Variants in CARD9 observed in about 807,000 individuals in gnomAD.
CARD9 encodes caspase recruitment domain-containing protein 9.
In CARD9, 53 loss-of-function variants were observed where a neutral mutation model predicts 66.0. The ratio of observed to expected loss-of-function variants is 0.80; its 90% CI spans 0.64 to 1.01. The LOEUF (loss-of-function observed/expected upper bound fraction) is 1.01, where lower values mean the gene tolerates loss of function less well. CARD9 is among the 50% of genes least tolerant of loss of function. CARD9 has a pLI of 0.00. For missense variants in CARD9, 769 were observed against 743.2 expected (o/e 1.03, Z -0.40); for synonymous variants, 387 against 313.8 (o/e 1.23, Z -2.47).
chr9:136,365,478 G>T (rs1833101889), intron 10 of CARD9: 1 of 559,668 alleles, frequency 1.8e-6, no homozygotes, highest in African/African-American at 1.9e-5. Context: ...CCCCCGAGCT[G>T]GCTGCCTGCC....
At chr9:136,367,981 G>A (rs1364965059) in intron 7 of CARD9, 153 bp from the exon 8 acceptor site, 10 of 1,428,888 alleles carry the variant, frequency 7.0e-6, no homozygotes, top group East Asian at 5.2e-5. Flanking sequence ...TGTGCTCTGC[G>A]GACACGAAGT....
At chr9:136,367,159 C>G in intron 9 of CARD9, 57 bp downstream of exon 9, 1 of 1,572,736 alleles carries the variant, frequency 6.4e-7, no homozygotes, top group Non-Finnish European at 8.7e-7. Context: ...GGTGGCAGCT[C>G]AGCCAGGACC....
chr9:136,364,987 C>T (rs953092911), intron 11 of CARD9, 154 bp downstream of exon 11: 4 of 696,058 alleles, frequency 5.7e-6, no homozygotes, highest in African/African-American at 3.6e-5. Context: ...GCCCAGACAC[C>T]GCACCCCGAG....
intron 2 of CARD9, 31 bp from the exon 3 acceptor site, chr9:136,371,492 G>C (rs1332274669): frequency 3.2e-6 from 5 of 1,558,328 alleles, no homozygotes; most frequent in Non-Finnish European, 4.3e-6. Flanking sequence ...ACTGGGGGCG[G>C]GGCACAGGCG....
chr9:136,365,307 G>A, intron 10 of CARD9, 90 bp from the exon 11 acceptor site: 3 of 1,278,766 alleles, frequency 2.3e-6, no homozygotes, highest in Middle Eastern at 2.1e-4. Flanking sequence ...ATTGCAGTGG[G>A]GCTGTCTTCC....
At chr9:136,367,493 C>A in intron 8 of CARD9, 144 bp downstream of exon 8, 6 of 1,080,430 alleles carry the variant, frequency 5.6e-6, no homozygotes, top group Non-Finnish European at 7.9e-6. Context: ...TGTGCCCTCA[C>A]CCCACTGCCA....
At chr9:136,366,938 G>A (rs1833138299) in intron 9 of CARD9, 93 bp from the exon 10 acceptor site, 9 of 1,445,370 alleles carry the variant, frequency 6.2e-6, no homozygotes, top group African/African-American at 2.8e-5. Context: ...CCTCAGCTGG[G>A]TGCAGCCATT....
rs370710250 is a variant in CARD9, at chr9:136,365,135, C to T, written c.1434+6G>A. 1.2e-6 allele frequency: 2 copies of T among 1,611,992 alleles called. No individual in the cohort carries two copies. Among genetic ancestry groups the T allele is most frequent in the Non-Finnish European group, 8.5e-7 (1 of 1,179,768 alleles). ...CTGGGAGGACCCCACCCCGGGGAAGCCTTACATGGGGGTTCCGCAAAACCT... is the reference window on the plus strand; with the variant it reads ...CTGGGAGGACCCCACCCCGGGGAAGTCTTACATGGGGGTTCCGCAAAACCT... On this transcript the variant is annotated splice_donor_region_variant and intron_variant, in intron 11 of 12. Transcript: ENST00000371732.
At chr9:136,365,589 GGA>G (rs1413099205) in intron 10 of CARD9, 5 of 295,052 alleles carry the variant, frequency 1.7e-5, no homozygotes, top group East Asian at 7.8e-5. Context: ...GCGGCCCTGG[GGA>G]GAGAGTTGGG....
intron 11 of CARD9, 131 bp from the exon 12 acceptor site, chr9:136,364,690 C>T (rs1833074990): frequency 4.5e-6 from 4 of 888,628 alleles, no homozygotes; most frequent in Admixed American, 2.7e-5. Context: ...CTCAGCTCAG[C>T]GCCAAGCTCT....
At chr9:136,373,164 G>C (rs1041597237) in intron 1 of CARD9, among the ~76,000 whole-genome samples, 2 of 152,242 alleles carry the variant, frequency 1.3e-5, no homozygotes, top group Admixed American at 1.3e-4. Flanking sequence ...TGGAGACATA[G>C]TTGCCCCAGG....
At chr9:136,365,370 A>T (rs1833098398) in intron 10 of CARD9, 153 bp from the exon 11 acceptor site, 2 of 705,698 alleles carry the variant, frequency 2.8e-6, no homozygotes, top group African/African-American at 3.5e-5. Flanking sequence ...CTTTCTGTAG[A>T]TGAGACTGAG....
chr9:136,373,431 T>TGGGAAGCCTCAGGCTGCTCTGG, intron 1 of CARD9, 101 bp downstream of exon 1: 2 of 916,216 alleles, frequency 2.2e-6, no homozygotes, highest in Middle Eastern at 5.5e-4. Flanking sequence ...TGGCTGCCTG[T>TGGGAAGCCTCAGGCTGCTCTGG]GGGAAGCCTC....
chr9:136,365,376 CTG>C (rs1041804521), intron 10 of CARD9, 159 bp from the exon 11 acceptor site: 30 of 674,124 alleles, frequency 4.5e-5, no homozygotes, highest in African/African-American at 4.3e-4. Flanking sequence ...GTAGATGAGA[CTG>C]AGGCCTTATG....
intron 11 of CARD9, 133 bp from the exon 12 acceptor site, chr9:136,364,692 C>G: frequency 1.2e-6 from 1 of 864,042 alleles, no homozygotes; most frequent in Non-Finnish European, 1.7e-6. Context: ...CAGCTCAGCG[C>G]CAAGCTCTCC....
intron 2 of CARD9, 68 bp from the exon 3 acceptor site, chr9:136,371,529 T>C (rs975238094): frequency 1.0e-5 from 5 of 490,274 alleles, no homozygotes; most frequent in East Asian, 4.9e-5. Flanking sequence ...TGGGTGGGCC[T>C]GGGGGCAGGG....
chr9:136,371,112 A>G lies in CARD9; in HGVS notation c.356T>C (p.Leu119Pro), dbSNP rs1171915203. ...CTGCAGCTTCATGACCTCAGTCATCAGCAGCTGAGTCAGGCCTGACTCCCC... is the reference window on the plus strand; with the variant it reads ...CTGCAGCTTCATGACCTCAGTCATCGGCAGCTGAGTCAGGCCTGACTCCCC... The part of the protein sequence containing the change: ...ASGESGLTQL[L>P]MTEVMKLQKK... Residue 119 changes from leucine (L) to proline (P), a missense_variant, in exon 4 of 13, where the codon CTG becomes CCG. By Grantham distance (98) the Leu-to-Pro change is moderately conservative (BLOSUM62 -3). Coordinates refer to ENST00000371732, the MANE Select transcript of CARD9 (RefSeq NM_052813.5). 1 of 1,612,642 alleles carries G rather than the reference A, an allele frequency of 6.2e-7. No homozygotes were observed. The highest frequency in any genetic ancestry group is 8.5e-7 in the Non-Finnish European group (1 of 1,179,950).
chr9:136,370,068 C>A, intron 6 of CARD9, 193 bp from the exon 7 acceptor site: 2 of 1,393,422 alleles, frequency 1.4e-6, no homozygotes, highest in Non-Finnish European at 9.5e-7. Flanking sequence ...CGGCAGGCCT[C>A]AGACACTGCT....
Position 136,364,360 on chromosome 9 carries a change from C to G in CARD9, c.1553G>C (p.Gly518Ala). Residue 518 changes from glycine to alanine, a missense_variant, in exon 13 of 13, where the codon GGG (glycine) becomes GCG (alanine). Physicochemically the swap from Gly to Ala is moderately conservative, Grantham distance 60 (BLOSUM62 0). Transcript: ENST00000371732. ...LRKMQKGWRQ[G>A]EEDRENTTGS... ...CGTGGTGTTCTCCCGGTCCTCCTCC[C>G]CCTGCCGCCATCCTTTCTGCATCTT... The G allele has an allele frequency of 6.4e-7, 1 of 1,570,188 alleles. No individual in the cohort carries two copies. The highest frequency in any genetic ancestry group is 1.2e-5 in the South Asian group (1 of 85,874).
Sources: gnomAD v4.1 joint callset for allele counts (sites outside exome capture counted in the v4.1 genomes callset) on GRCh38, gnomAD v4.1.1 for gene constraint, MANE v1.5 for transcripts, NCBI Gene and HGNC (gene_info 2026-07-23, HGNC 2026-07-21) for gene names.